Variants in SLC6A6 observed in about 807,000 individuals in gnomAD.
SLC6A6 encodes the protein sodium- and chloride-dependent taurine transporter.
A neutral mutation model predicts 68.8 loss-of-function variants in SLC6A6; 16 were observed. That is an observed-to-expected ratio of 0.23 (90% CI 0.16 to 0.35). The LOEUF (loss-of-function observed/expected upper bound fraction) is 0.35. Ranked by LOEUF, SLC6A6 falls within the 10% of genes least tolerant of loss-of-function variation. The pLI, the probability that SLC6A6 is intolerant of heterozygous loss-of-function variation, is 1.00. For synonymous variants in SLC6A6, 312 were observed against 315.4 expected (o/e 0.99, Z 0.12); for missense variants, 474 against 802.8 (o/e 0.59, Z 4.95).
rs894426601 is a variant in SLC6A6 at position 14,445,961 on chromosome 3, G to A, written c.364+110G>A. Reference sequence around the variant, plus strand: ...ATTGGAGCCTCATGCACATCACTTAGCTCTATGCTGACACAAGATAGCAGC... The same window carrying A: ...ATTGGAGCCTCATGCACATCACTTAACTCTATGCTGACACAAGATAGCAGC... On this transcript the variant is annotated intron_variant, in intron 4 of 14. Coordinates refer to ENST00000622186, the MANE Select transcript of SLC6A6 (RefSeq NM_003043.6). 5 of 1,077,732 alleles carry A rather than the reference G, an allele frequency of 4.6e-6. No individual in the cohort carries two copies. In the African/African-American group the frequency reaches 4.7e-5, roughly 10 times the overall value. 66.8% of individuals were successfully genotyped at this position (1,077,732 alleles called of 1,614,324 possible).
chr3:14,448,844 C>T (rs1378680137), intron 5 of SLC6A6, among the ~76,000 whole-genome samples: 2 of 152,226 alleles, frequency 1.3e-5, no homozygotes, highest in Admixed American at 1.3e-4. Context: ...CAAAAATAGG[C>T]TACTGCATCA....
intron 6 of SLC6A6, among the ~76,000 whole-genome samples, chr3:14,459,672 C>G (rs1481913103): frequency 1.3e-5 from 2 of 152,138 alleles, no homozygotes; most frequent in African/African-American, 4.8e-5. Context: ...CCCCGGTTCT[C>G]TGTCTCACAA....
At chr3:14,465,329 T>C (rs576529537) in intron 6 of SLC6A6, among the ~76,000 whole-genome samples, 199 of 152,330 alleles carry the variant, frequency 1.3e-3, no homozygotes, top group Non-Finnish European at 2.4e-3. Context: ...TCTTGGCCTG[T>C]CTGGAACATG....
At chr3:14,457,807 T>C (rs1388780922) in intron 5 of SLC6A6, 143 bp from the exon 6 acceptor site, 2 of 699,698 alleles carry the variant, frequency 2.9e-6, no homozygotes, top group Non-Finnish European at 4.9e-6. Context: ...TGGGGATTCC[T>C]GGGTTTGGAA....
intron 5 of SLC6A6, chr3:14,448,063 A>G (rs1374735982): frequency 1.7e-6 from 2 of 1,203,658 alleles, no homozygotes; most frequent in Non-Finnish European, 2.2e-6. Context: ...CTTTACCTGT[A>G]AGATAAAAAG....
At chr3:14,429,504 A>C (rs1699674765) in intron 2 of SLC6A6, among the ~76,000 whole-genome samples, 1 of 152,242 alleles carries the variant, frequency 6.6e-6, no homozygotes, top group Non-Finnish European at 1.5e-5. Flanking sequence ...CTGTGTGCAC[A>C]CACGCATCAC....
rs759805633 is a variant in SLC6A6 at position 14,458,026 on chromosome 3, T to G, written c.676T>G (p.Leu226Val). 2 of 1,613,962 alleles carry G rather than the reference T, an allele frequency of 1.2e-6. No individual in the cohort carries two copies. Among genetic ancestry groups the G allele is most frequent in the Non-Finnish European group, 1.7e-6 (2 of 1,179,838 alleles). The change falls in exon 6 of 15, where the codon TTA becomes GTA. Residue 226 changes from leucine to valine, a missense_variant. Coordinates refer to ENST00000622186, the MANE Select transcript of SLC6A6 (RefSeq NM_003043.6). ...LKWDLALCLL[L>V]VWLVCFFCIW... ...ATGGGACCTCGCTCTCTGCCTTCTT[T>G]TAGTCTGGCTAGTGTGTTTCTTCTG...
chr3:14,487,007 T>C lies in SLC6A6; in HGVS notation c.*2000T>C, dbSNP rs1329272621. Reference sequence around the variant, plus strand: ...TCCCTGATTTTATGGAGTAGCATTGTGACCTGTTTTCCTTTGTCTTATATA... The same window carrying C: ...TCCCTGATTTTATGGAGTAGCATTGCGACCTGTTTTCCTTTGTCTTATATA... On this transcript the variant is annotated 3_prime_UTR_variant, in exon 15 of 15. Transcript: ENST00000622186. 1 of 152,636 alleles carries C rather than the reference T, an allele frequency of 6.6e-6. No individual in the cohort carries two copies. The allele number at this position is 152,636 out of a possible 1,614,324, so 9.5% of individuals were successfully genotyped here. A position where few individuals can be genotyped will look rare whatever the true frequency, so the allele number is the denominator to read the frequency against.
chr3:14,482,164 C>G (rs970864348), intron 14 of SLC6A6, among the ~76,000 whole-genome samples: 2 of 152,190 alleles, frequency 1.3e-5, no homozygotes, highest in Non-Finnish European at 2.9e-5. Flanking sequence ...GGAGAGGTGA[C>G]TGTAGCTTTG....
At chr3:14,454,494 G>A (rs1277689133) in intron 5 of SLC6A6, among the ~76,000 whole-genome samples, 1 of 152,148 alleles carries the variant, frequency 6.6e-6, no homozygotes, top group Non-Finnish European at 1.5e-5. Flanking sequence ...GTCAGACACG[G>A]AAGGGACTGT....
intron 1 of SLC6A6, among the ~76,000 whole-genome samples, chr3:14,414,607 C>T (rs1699324055): frequency 1.3e-5 from 2 of 152,044 alleles, no homozygotes; most frequent in South Asian, 4.1e-4. Context: ...CTCGCTGCAA[C>T]CTCAAACTTC....
chr3:14,443,062 A>G lies in SLC6A6; in HGVS notation c.-11-562A>G, dbSNP rs1014640039. 2.6e-5 allele frequency among the ~76,000 whole-genome samples: 4 copies of G among 152,188 alleles called. No homozygotes were observed. In the East Asian group the frequency reaches 7.7e-4, roughly 29 times the overall value. Reference sequence around the variant, plus strand: ...TGTTTCCATTCCAGCCTGAAACCCCATTCCTCGTTCGTTTCCGTCTATCTG... The same window carrying G: ...TGTTTCCATTCCAGCCTGAAACCCCGTTCCTCGTTCGTTTCCGTCTATCTG... On this transcript the variant is annotated intron_variant, in intron 2 of 14. Coordinates refer to ENST00000622186, the MANE Select transcript of SLC6A6 (RefSeq NM_003043.6).
intron 2 of SLC6A6, among the ~76,000 whole-genome samples, chr3:14,432,512 C>A (rs961594333): frequency 6.6e-6 from 1 of 152,238 alleles, no homozygotes; most frequent in East Asian, 1.9e-4. Flanking sequence ...AGCCCTGGGC[C>A]ATGGGGGAAG....
chr3:14,412,533 G>A (rs570668274), intron 1 of SLC6A6, among the ~76,000 whole-genome samples: 2 of 152,078 alleles, frequency 1.3e-5, no homozygotes, highest in Admixed American at 6.5e-5. Context: ...GCAAAAATTC[G>A]CCGGGTGTGG....
intron 1 of SLC6A6, among the ~76,000 whole-genome samples, chr3:14,403,636 G>A (rs1302014563): frequency 1.3e-5 from 2 of 152,250 alleles, no homozygotes; most frequent in Non-Finnish European, 2.9e-5. Context: ...GCAGTCCTGA[G>A]TGGTGGGACC....
rs535211121 is a variant in SLC6A6, at chr3:14,472,453, G to A, written c.1209+136G>A. 144 of 647,296 alleles carry A rather than the reference G, an allele frequency of 2.2e-4. 1 individual carries two copies. Among genetic ancestry groups the A allele is most frequent in the East Asian group, 4.6e-4 (18 of 38,806 alleles). 40.1% of individuals were successfully genotyped at this position (647,296 alleles called of 1,614,324 possible). On this transcript the variant is annotated intron_variant, in intron 10 of 14. Coordinates refer to ENST00000622186, the MANE Select transcript of SLC6A6 (RefSeq NM_003043.6). The surrounding 1 kb of genome is among the most constrained non-coding windows in gnomAD (Gnocchi z 4.5). ...GACTTCCAGTGCTTCAGCTGTGAGG[G>A]TTCCTCCAGGACACCAGGAATAGAA...
intron 3 of SLC6A6, among the ~76,000 whole-genome samples, chr3:14,445,068 C>T (rs544550244): frequency 1.4e-3 from 209 of 152,188 alleles, no homozygotes; most frequent in African/African-American, 4.9e-3. Context: ...GAGGCCAAGC[C>T]GTCCTTGTTC....
At chr3:14,478,640 C>A in intron 12 of SLC6A6, 72 bp downstream of exon 12, 1 of 925,410 alleles carries the variant, frequency 1.1e-6, no homozygotes, top group Non-Finnish European at 1.8e-6. Context: ...GCTTCAGAAG[C>A]AGAGAATACT....
In SLC6A6 at chr3:14,468,252, C is replaced by G. The variant is rs199583962; in HGVS notation, c.1096+40C>G. 5 of 1,594,630 alleles carry G rather than the reference C, an allele frequency of 3.1e-6. No homozygotes were observed. In the East Asian group the frequency reaches 1.1e-4, roughly 36 times the overall value. Reference sequence around the variant, plus strand: ...GTGGCAGTGGTGGTGGGCACTGCCACCTAGTGTGTAAGCCAAGTACTGCAG... The same window carrying G: ...GTGGCAGTGGTGGTGGGCACTGCCAGCTAGTGTGTAAGCCAAGTACTGCAG... On this transcript the variant is annotated intron_variant, in intron 9 of 14. Transcript: ENST00000622186. The surrounding 1 kb of genome is among the most constrained non-coding windows in gnomAD (Gnocchi z 4.5).
Sources: allele counts gnomAD v4.1 joint callset (sites outside exome capture counted in the v4.1 genomes callset), GRCh38; gene constraint gnomAD v4.1.1; non-coding constraint Gnocchi (gnomAD v3.1); transcripts MANE v1.5; gene names NCBI Gene and HGNC (gene_info 2026-07-23, HGNC 2026-07-21).